RGPD2: variants seen among roughly 807,000 people sequenced by gnomAD.
RGPD2 encodes RANBP2 like and GRIP domain containing 2, also known as RANBP2-like and GRIP domain-containing protein 2.
Under a neutral mutation model 36.0 loss-of-function variants are expected in RGPD2, and 2 were observed. That is an observed-to-expected ratio of 0.06 (90% CI 0.02 to 0.17). The LOEUF (loss-of-function observed/expected upper bound fraction) is 0.17. Among genes scored for constraint, RGPD2 ranks in the 10% least tolerant of loss-of-function variants. The probability of loss-of-function intolerance (pLI) is 1.00; values close to 1 mark genes in which losing one functional copy is unlikely to be tolerated. For missense variants in RGPD2, 40 were observed against 464.3 expected (o/e 0.09, Z 8.40); for synonymous variants, 19 against 163.8 (o/e 0.12, Z 6.75).
At chr2:87,924,997 AG>A in the RGPD2 span, among the ~76,000 whole-genome samples, 1 of 6,172 alleles carries the variant, frequency 1.6e-4, no homozygotes, top group Non-Finnish European at 3.1e-4. Context: ...CAATTGACAG[AG>A]TCACTGGTCC....
chr2:87,847,515 T>G, the RGPD2 span, among the ~76,000 whole-genome samples: 1 of 148,790 alleles, frequency 6.7e-6, no homozygotes, highest in South Asian at 2.1e-4. Flanking sequence ...TTTTTTTTTT[T>G]TTGAGACGAA....
chr2:87,915,306 GTA>G, the RGPD2 span, among the ~76,000 whole-genome samples: 1 of 110,770 alleles, frequency 9.0e-6, no homozygotes, highest in Non-Finnish European at 1.7e-5. Context: ...TATATATATT[GTA>G]TATATATGTA....
At chr2:87,846,642 A>C in the RGPD2 span, among the ~76,000 whole-genome samples, 2 of 152,142 alleles carry the variant, frequency 1.3e-5, no homozygotes, top group African/African-American at 4.8e-5. Context: ...AAACTACCAG[A>C]TATATACCAA....
the RGPD2 span, among the ~76,000 whole-genome samples, chr2:87,943,423 T>A: frequency 6.6e-6 from 1 of 152,072 alleles, no homozygotes; most frequent in Non-Finnish European, 1.5e-5. Context: ...TTCAGACTCT[T>A]TGCCTATTTT....
chr2:87,967,512 C>T, the RGPD2 span, among the ~76,000 whole-genome samples: 1 of 149,760 alleles, frequency 6.7e-6, no homozygotes, highest in Non-Finnish European at 1.5e-5. Context: ...AGAAGTAGTA[C>T]TGAACATTAA....
At chr2:87,971,462 A>AGTATATATAATATGAATATTATATATAC in the RGPD2 span, among the ~76,000 whole-genome samples, 1 of 124,062 alleles carries the variant, frequency 8.1e-6, no homozygotes, top group Non-Finnish European at 1.7e-5. Flanking sequence ...ATTATATATA[A>AGTATATATAATATGAATATTATATATAC]ATATATATAT....
the RGPD2 span, among the ~76,000 whole-genome samples, chr2:87,915,906 G>A: frequency 6.6e-6 from 1 of 151,354 alleles, no homozygotes; most frequent in African/African-American, 2.4e-5. Context: ...AACATATAAA[G>A]AAGAATGAAA....
At chr2:87,826,161 G>A (rs1281071296), upstream of RGPD2, among the ~76,000 whole-genome samples, 2 of 152,148 alleles carry the variant, frequency 1.3e-5, no homozygotes, top group African/African-American at 2.4e-5. Context: ...TAAAGACATT[G>A]TGACTCAGAT....
At chr2:87,812,917 T>C (rs1440545803) in intron 4 of RGPD2, among the ~76,000 whole-genome samples, 2 of 151,494 alleles carry the variant, frequency 1.3e-5, no homozygotes, top group Admixed American at 6.6e-5. Context: ...TCTCCAGTCA[T>C]GTTATCCTCT....
chr2:87,864,628 AGAT>A, the RGPD2 span, among the ~76,000 whole-genome samples: 74 of 13,664 alleles, frequency 5.4e-3, no homozygotes, highest in Admixed American at 0.035. Flanking sequence ...ATAGATACAT[AGAT>A]GATAGATAGT....
At chr2:87,934,041 A>G in the RGPD2 span, among the ~76,000 whole-genome samples, 1 of 113,770 alleles carries the variant, frequency 8.8e-6, no homozygotes, top group East Asian at 2.1e-4. Context: ...TGCAATTTGC[A>G]TTGCTTAAAT....
the RGPD2 span, among the ~76,000 whole-genome samples, chr2:87,894,518 T>A: frequency 1.3e-5 from 2 of 151,804 alleles, no homozygotes; most frequent in African/African-American, 2.4e-5. Context: ...TAGCAGCATC[T>A]TGAAGATACT....
the RGPD2 span, among the ~76,000 whole-genome samples, chr2:87,911,627 G>A: frequency 6.6e-6 from 1 of 151,474 alleles, no homozygotes; most frequent in Admixed American, 6.6e-5. Context: ...GAATCATTTG[G>A]AAGGATGCTT....
the RGPD2 span, among the ~76,000 whole-genome samples, chr2:87,983,322 A>G: frequency 1.3e-5 from 2 of 151,114 alleles, no homozygotes; most frequent in Admixed American, 1.3e-4. Context: ...CCCGTCTTAA[A>G]AAAGGAAAGA....
chr2:87,976,475 A>G, the RGPD2 span, among the ~76,000 whole-genome samples: 3 of 151,866 alleles, frequency 2.0e-5, no homozygotes, highest in African/African-American at 7.3e-5. Context: ...AAACTACTCA[A>G]GGATTAAAGC....
the RGPD2 span, among the ~76,000 whole-genome samples, chr2:87,853,390 T>C: frequency 6.6e-6 from 1 of 152,096 alleles, no homozygotes; most frequent in East Asian, 1.9e-4. Context: ...CCCTGGCAAT[T>C]TTTTTTAAAT....
intron 4 of RGPD2, among the ~76,000 whole-genome samples, chr2:87,813,076 C>T (rs1686163119): frequency 6.6e-6 from 1 of 152,182 alleles, no homozygotes; most frequent in South Asian, 2.1e-4. Context: ...TACTTCTCCA[C>T]CACATGACAA....
the RGPD2 span, among the ~76,000 whole-genome samples, chr2:87,843,927 T>C: frequency 1.3e-5 from 2 of 151,806 alleles, no homozygotes; most frequent in South Asian, 2.1e-4. Context: ...ATGGATGAAA[T>C]TGGAAATCAT....
chr2:87,989,730 G>A, the RGPD2 span: 2 of 1,002,948 alleles, frequency 2.0e-6, no homozygotes, highest in East Asian at 5.1e-5. Flanking sequence ...ATCTCTGATA[G>A]AATCAATGTA....
Sources: gnomAD v4.1 joint callset for allele counts (sites outside exome capture counted in the v4.1 genomes callset) on GRCh38, gnomAD v4.1.1 for gene constraint, MANE v1.5 for transcripts, NCBI Gene and HGNC (gene_info 2026-07-23, HGNC 2026-07-21) for gene names.